DHX34: variants seen among roughly 807,000 people sequenced by gnomAD.
The protein encoded by DHX34 is DExH-box helicase 34, also known as probable ATP-dependent RNA helicase DHX34.
A neutral mutation model predicts 111.1 loss-of-function variants in DHX34; 96 were observed. The observed-to-expected ratio is 0.86, with a 90% CI of 0.73 to 1.02. The LOEUF (loss-of-function observed/expected upper bound fraction) is 1.02, where lower values mean the gene tolerates loss of function less well. DHX34 is among the 50% of genes least tolerant of loss of function. The probability of loss-of-function intolerance (pLI) is 0.00; values close to 1 mark genes in which losing one functional copy is unlikely to be tolerated. For missense variants in DHX34, 1,560 were observed against 1,579.9 expected (o/e 0.99, Z 0.21); for synonymous variants, 688 against 670.4 (o/e 1.03, Z -0.41).
Position 47,353,801 on chromosome 19 carries a change from A to T in DHX34, c.705+66A>T. 7.3e-7 allele frequency: 1 copy of T among 1,368,752 alleles called. No homozygotes were observed. Among genetic ancestry groups the T allele is most frequent in the Non-Finnish European group, 9.7e-7 (1 of 1,032,228 alleles). 84.8% of individuals were successfully genotyped at this position (1,368,752 alleles called of 1,614,324 possible). A position where few individuals can be genotyped will look rare whatever the true frequency, so the allele number is the denominator to read the frequency against. ...CCTTGGGGGAATAGGTTGCTTGTCC[A>T]TATGGCAGTATCAATAAAAATGAAG... On this transcript the variant is annotated intron_variant, in intron 2 of 16. Transcript: ENST00000328771. This position sits in a 1 kb window ranked among gnomAD's most constrained non-coding sequence, Gnocchi z 4.6.
At chr19:47,361,444 C>A (rs10084148) in intron 5 of DHX34, among the ~76,000 whole-genome samples, 1 of 148,018 alleles carries the variant, frequency 6.8e-6, no homozygotes, top group Admixed American at 6.7e-5. Context: ...GGCAACAGAG[C>A]GAGACCCTGT....
At position 47,358,044 on chromosome 19, in the gene DHX34, A is replaced by G; in HGVS notation, c.1196A>G (p.Gln399Arg). The G allele has an allele frequency of 6.2e-7, 1 of 1,613,080 alleles. No individual in the cohort carries two copies. The highest frequency in any genetic ancestry group is 1.3e-5 in the African/African-American group (1 of 75,072). Reference sequence around the variant, plus strand: ...ATCAGCGCCGTGCTGGAGGCTGCCCAGACCTATGCCAGCCACACCCAGCGC... The same window carrying G: ...ATCAGCGCCGTGCTGGAGGCTGCCCGGACCTATGCCAGCCACACCCAGCGC... The part of the protein sequence containing the change: ...AEISAVLEAA[Q>R]TYASHTQRWV... The change falls in exon 4 of 17, where the codon CAG (glutamine) becomes CGG (arginine). Residue 399 changes from glutamine to arginine, a missense_variant. Physicochemically the swap from Gln to Arg is conservative, Grantham distance 43. Coordinates refer to ENST00000328771, the MANE Select transcript of DHX34 (RefSeq NM_014681.6).
At chr19:47,366,562 T>C (rs1361301325) in intron 6 of DHX34, among the ~76,000 whole-genome samples, 1 of 151,128 alleles carries the variant, frequency 6.6e-6, no homozygotes, top group African/African-American at 2.4e-5. Flanking sequence ...ATTACAGGCA[T>C]GAGCCACTGT....
intron 7 of DHX34, among the ~76,000 whole-genome samples, chr19:47,369,772 A>C (rs1599766703): frequency 6.6e-6 from 1 of 151,974 alleles, no homozygotes; most frequent in East Asian, 1.9e-4. Context: ...AGGAGCTTTG[A>C]ATTAAATGGG....
Position 47,358,108 on chromosome 19 carries a change from C to T in DHX34, c.1260C>T (p.Ala420=), listed in dbSNP as rs750889483. 5.3e-5 allele frequency: 85 copies of T among 1,607,540 alleles called. No individual in the cohort carries two copies. The Middle Eastern group carries it at 8.3e-4, about 16-fold the overall frequency. The change falls in exon 4 of 17, where the codon GCC becomes GCT. Residue 420 remains alanine (A), a synonymous_variant. Transcript: ENST00000328771. ...CACTGCACAGCGCCCTGTCTGTGGC[C>T]GACCAGGACAAGGTATCACAGGAAG... ...VLPLHSALSV[A]DQDKVFDVAP...
intron 16 of DHX34, 157 bp from the exon 17 acceptor site, chr19:47,381,823 A>G: frequency 4.1e-6 from 4 of 976,788 alleles, no homozygotes; most frequent in Non-Finnish European, 4.9e-6. Flanking sequence ...AGACCTGTGT[A>G]TTTTTATTAA....
rs763129630 is a variant in DHX34, at chr19:47,373,668, T to C, written c.2032T>C (p.Tyr678His). The C allele has an allele frequency of 2.5e-6, 4 of 1,614,006 alleles. No individual in the cohort carries two copies. Among genetic ancestry groups the C allele is most frequent in the Non-Finnish European group, 3.4e-6 (4 of 1,179,972 alleles). The change falls in exon 9 of 17, where the codon TAC becomes CAC. Residue 678 changes from tyrosine to histidine, a missense_variant. Transcript: ENST00000328771. ...RRRGIEEHRLYEMANLRRQFK... is the reference protein window; with the variant it reads ...RRRGIEEHRLHEMANLRRQFK... Reference sequence around the variant, plus strand: ...CCGGGGCATAGAGGAGCATCGACTGTACGAAATGGCCAACCTTCGGCGCCA... The same window carrying C: ...CCGGGGCATAGAGGAGCATCGACTGCACGAAATGGCCAACCTTCGGCGCCA...
At chr19:47,365,793 C>T (rs986993564) in intron 6 of DHX34, among the ~76,000 whole-genome samples, 6 of 152,180 alleles carry the variant, frequency 3.9e-5, no homozygotes, top group Admixed American at 1.3e-4. Flanking sequence ...ACGTATGCCA[C>T]GCCAGACCCC....
chr19:47,366,747 T>C (rs1413959811), intron 6 of DHX34: 3 of 702,762 alleles, frequency 4.3e-6, no homozygotes, highest in Non-Finnish European at 5.2e-6. Context: ...CTAATTTTTG[T>C]ATTTTTAGTA....
At chr19:47,374,952 A>G (rs888867269) in intron 9 of DHX34, among the ~76,000 whole-genome samples, 1 of 152,188 alleles carries the variant, frequency 6.6e-6, no homozygotes, top group African/African-American at 2.4e-5. Context: ...AGATGTGGGC[A>G]CGGGGAGGGC....
chr19:47,352,833 C>A lies in DHX34; in HGVS notation c.-198C>A. On this transcript the variant is annotated 5_prime_UTR_variant, in exon 2 of 17. Transcript: ENST00000328771. ...AGATGTCATGAGGTACCCTTTGTGT[C>A]ACCAGCTCAAGCAGGCCTCTGGCCA... 2 of 1,127,924 alleles carry A rather than the reference C, an allele frequency of 1.8e-6. No individual in the cohort carries two copies. The highest frequency in any genetic ancestry group is 2.4e-6 in the Non-Finnish European group (2 of 823,830). The allele number at this position is 1,127,924 out of a possible 1,614,324, so 69.9% of individuals were successfully genotyped here.
rs556613844 is a variant in DHX34 at position 47,367,171 on chromosome 19, C to A, written c.1768+16C>A. 6.8e-6 allele frequency: 10 copies of A among 1,466,856 alleles called. No homozygotes were observed. The highest frequency in any genetic ancestry group is 2.8e-5 in the South Asian group (2 of 70,542). The allele number at this position is 1,466,856 out of a possible 1,614,324, so 90.9% of individuals were successfully genotyped here. On this transcript the variant is annotated intron_variant, in intron 7 of 16. Coordinates refer to ENST00000328771, the MANE Select transcript of DHX34 (RefSeq NM_014681.6). ...GTTGTGATTGGTGAGTACCCACCCC[C>A]CTCCTGATCACTCAGGGCCCCAGGA...
At chr19:47,354,900 C>T (rs1374085701) in intron 2 of DHX34, 139 bp from the exon 3 acceptor site, 23 of 1,452,224 alleles carry the variant, frequency 1.6e-5, no homozygotes, top group South Asian at 4.2e-5. Flanking sequence ...GTGATCCGCC[C>T]GCCTCTGCCT....
chr19:47,349,978 CACTT>C (rs762553605), intron 1 of DHX34, among the ~76,000 whole-genome samples: 67 of 152,202 alleles, frequency 4.4e-4, no homozygotes, highest in Admixed American at 1.0e-3. Context: ...CTCGGCTACT[CACTT>C]AGCCTCTCTA....
Position 47,376,554 on chromosome 19 carries a change from A to G in DHX34, c.2593A>G (p.Ser865Gly), listed in dbSNP as rs746181383. ...GCTGGAGGCCAGCAACTGCGACGGAAGCCGAGGTACAGTGAGCCCAGGCGG... is the reference window on the plus strand; with the variant it reads ...GCTGGAGGCCAGCAACTGCGACGGAGGCCGAGGTACAGTGAGCCCAGGCGG... ...QELEASNCDG[S>G]RDDKDKMSSK... Residue 865 changes from serine (S) to glycine (G), a missense_variant, in exon 12 of 17, where the codon AGC becomes GGC. By Grantham distance (56) the Ser-to-Gly change is moderately conservative. Transcript: ENST00000328771. The G allele has an allele frequency of 6.4e-7, 1 of 1,559,730 alleles. No individual in the cohort carries two copies. The highest frequency in any genetic ancestry group is 1.2e-5 in the South Asian group (1 of 85,044).
chr19:47,349,724 C>T (rs901592882), intron 1 of DHX34, among the ~76,000 whole-genome samples: 1 of 151,930 alleles, frequency 6.6e-6, no homozygotes, highest in Non-Finnish European at 1.5e-5. Flanking sequence ...CGTGGTCGCC[C>T]ATGAACTTGG....
At chr19:47,351,185 T>C (rs1969276409) in intron 1 of DHX34, among the ~76,000 whole-genome samples, 1 of 138,050 alleles carries the variant, frequency 7.2e-6, no homozygotes, top group Non-Finnish European at 1.6e-5. Flanking sequence ...TTTTTTTTTT[T>C]TTTTTTTTTT....
intron 3 of DHX34, among the ~76,000 whole-genome samples, chr19:47,355,685 A>G (rs1440976740): frequency 6.6e-6 from 1 of 151,998 alleles, no homozygotes. Context: ...CATCTCTACT[A>G]AAAACACAAA....
At chr19:47,373,525 C>T (rs1970034718) in intron 8 of DHX34, 74 bp from the exon 9 acceptor site, 2 of 1,545,850 alleles carry the variant, frequency 1.3e-6, no homozygotes, top group Non-Finnish European at 1.7e-6. Context: ...TTTTGGGGCT[C>T]TGGGTGCTCG....
Sources: allele counts gnomAD v4.1 joint callset (sites outside exome capture counted in the v4.1 genomes callset), GRCh38; gene constraint gnomAD v4.1.1; non-coding constraint Gnocchi (gnomAD v3.1); transcripts MANE v1.5; gene names NCBI Gene and HGNC (gene_info 2026-07-23, HGNC 2026-07-21).